Variants in THSD7B observed in about 807,000 individuals in gnomAD.
THSD7B encodes thrombospondin type-1 domain-containing protein 7B.
In THSD7B, 138 loss-of-function variants were observed where a neutral mutation model predicts 213.6. The ratio of observed to expected loss-of-function variants is 0.65; its 90% CI spans 0.56 to 0.74. The LOEUF (loss-of-function observed/expected upper bound fraction) is 0.74. Among genes scored for constraint, THSD7B ranks in the 30% least tolerant of loss-of-function variants. The pLI is 0.00. For missense variants in THSD7B, 1,931 were observed against 1,991.5 expected (o/e 0.97, Z 0.58); for synonymous variants, 742 against 687.0 (o/e 1.08, Z -1.25).
At chr2:137,618,250 G>A in intron 18 of THSD7B, 142 bp from the exon 19 acceptor site, 1 of 645,860 alleles carries the variant, frequency 1.5e-6, no homozygotes, top group Non-Finnish European at 2.6e-6. Flanking sequence ...GGCATTGCAT[G>A]ATGATTCCCA....
chr2:137,603,374 G>C (rs1682111570), intron 17 of THSD7B, among the ~76,000 whole-genome samples: 1 of 152,106 alleles, frequency 6.6e-6, no homozygotes, highest in African/African-American at 2.4e-5. Context: ...TTCTTCCAAT[G>C]AGTCCTGTGT....
intron 3 of THSD7B, among the ~76,000 whole-genome samples, chr2:137,082,233 G>A (rs534787072): frequency 1.3e-5 from 2 of 151,990 alleles, no homozygotes; most frequent in Non-Finnish European, 2.9e-5. Flanking sequence ...CGTTCCACAC[G>A]CACTGGGTGA....
intron 27 of THSD7B, among the ~76,000 whole-genome samples, chr2:137,671,523 C>T (rs1683578003): frequency 6.6e-6 from 1 of 151,812 alleles, no homozygotes; most frequent in Non-Finnish European, 1.5e-5. Context: ...CAATCATGGC[C>T]CAAGGCAAAG....
chr2:137,253,645 C>G (rs1682238274), intron 10 of THSD7B, among the ~76,000 whole-genome samples: 1 of 152,180 alleles, frequency 6.6e-6, no homozygotes, highest in South Asian at 2.1e-4. Flanking sequence ...TTTATAGAAA[C>G]CAAGGTACCC....
chr2:137,186,495 T>C (rs998176974), intron 7 of THSD7B, among the ~76,000 whole-genome samples: 6 of 152,070 alleles, frequency 3.9e-5, no homozygotes, highest in Non-Finnish European at 8.8e-5. Flanking sequence ...CCTTTCCTTA[T>C]TGCTTTATGG....
At position 137,056,688 on chromosome 2, in the gene THSD7B, T is replaced by C. The variant is rs77848121; in HGVS notation, c.408T>C (p.His136=). 3,622 of 1,614,002 alleles carry C rather than the reference T, an allele frequency of 2.2e-3. 71 individuals carry two copies. The East Asian group carries it at 0.043, about 19-fold the overall frequency. The change falls in exon 3 of 28, where the codon CAT becomes CAC. Residue 136 remains histidine (H), a synonymous_variant. Transcript: ENST00000409968. ...PRTAECVTAQ[H]GLQHRMVRCI... Reference sequence around the variant, plus strand: ...CTGCAGAGTGTGTGACGGCTCAGCATGGACTGCAGCACCGGATGGTGCGCT... The same window carrying C: ...CTGCAGAGTGTGTGACGGCTCAGCACGGACTGCAGCACCGGATGGTGCGCT...
Position 137,170,592 on chromosome 2 carries a change from C to T in THSD7B, c.1526-149C>T, listed in dbSNP as rs1212399988. 4 of 676,676 alleles carry T rather than the reference C, an allele frequency of 5.9e-6. No homozygotes were observed. The Admixed American group carries it at 9.0e-5, about 15-fold the overall frequency. 41.9% of individuals were successfully genotyped at this position (676,676 alleles called of 1,614,324 possible). A position where few individuals can be genotyped will look rare whatever the true frequency, so the allele number is the denominator to read the frequency against. ...CTTTTTTTTCTACATCTCATCCTCT[C>T]ACTTCACATAGAATAAAACACATCA... On this transcript the variant is annotated intron_variant, in intron 6 of 27. Coordinates refer to ENST00000409968, the MANE Select transcript of THSD7B (RefSeq NM_001316349.2).
intron 5 of THSD7B, among the ~76,000 whole-genome samples, chr2:137,140,096 G>A (rs1679551139): frequency 6.6e-6 from 1 of 152,038 alleles, no homozygotes; most frequent in African/African-American, 2.4e-5. Flanking sequence ...ATCAGGGCTA[G>A]TTATTATAAA....
At chr2:137,510,748 C>T (rs1679943773) in intron 15 of THSD7B, among the ~76,000 whole-genome samples, 1 of 151,884 alleles carries the variant, frequency 6.6e-6, no homozygotes, top group South Asian at 2.1e-4. Context: ...TATAGTTTTC[C>T]TTTGTATATG....
intron 2 of THSD7B, among the ~76,000 whole-genome samples, chr2:137,021,635 G>T (rs867746151): frequency 6.6e-6 from 1 of 152,072 alleles, no homozygotes; most frequent in Non-Finnish European, 1.5e-5. Flanking sequence ...TTTACATCTT[G>T]CAAAACAATA....
chr2:137,672,620 A>C lies in THSD7B; in HGVS notation c.4740-3904A>C, dbSNP rs190417717. On this transcript the variant is annotated intron_variant, in intron 27 of 27. Transcript: ENST00000409968. ...CACAGCATCTAATTCTATTAAATGG[A>C]TTGCAGAAGAGTTACAGGATGACAG... 5.7e-3 allele frequency among the ~76,000 whole-genome samples: 865 copies of C among 152,324 alleles called. 11 individuals carry two copies. The highest frequency in any genetic ancestry group is 0.02 in the African/African-American group (825 of 41,576).
At chr2:137,127,068 A>G (rs868204660) in intron 5 of THSD7B, among the ~76,000 whole-genome samples, 1 of 152,264 alleles carries the variant, frequency 6.6e-6, no homozygotes. Flanking sequence ...TATATATATA[A>G]TAATAATGAA....
At chr2:136,781,582 C>T (rs1177103075) in intron 1 of THSD7B, among the ~76,000 whole-genome samples, 2 of 151,900 alleles carry the variant, frequency 1.3e-5, no homozygotes, top group Non-Finnish European at 2.9e-5. Flanking sequence ...GCCTACTTAC[C>T]AGTTCTATTG....
intron 2 of THSD7B, among the ~76,000 whole-genome samples, chr2:136,889,429 AT>A (rs1410435335): frequency 1.3e-5 from 2 of 152,126 alleles, no homozygotes; most frequent in Non-Finnish European, 2.9e-5. Context: ...TTAAGGATTT[AT>A]GTCTCCTAGA....
intron 12 of THSD7B, among the ~76,000 whole-genome samples, chr2:137,332,806 A>G (rs558821170): frequency 1.3e-5 from 2 of 152,264 alleles, no homozygotes; most frequent in South Asian, 4.2e-4. Flanking sequence ...CAGCTCTGTC[A>G]TTCTCCTGCT....
chr2:137,656,998 C>A (rs1276157300), intron 23 of THSD7B, 29 bp downstream of exon 23: 3 of 1,613,166 alleles, frequency 1.9e-6, no homozygotes. Flanking sequence ...AGTTCTTTAG[C>A]CTTCATTGAT....
chr2:137,189,696 G>A (rs1229143319), intron 7 of THSD7B, among the ~76,000 whole-genome samples: 2 of 151,780 alleles, frequency 1.3e-5, no homozygotes, highest in African/African-American at 2.4e-5. Flanking sequence ...TGTTTTTGTT[G>A]CGATTGCTTT....
intron 12 of THSD7B, among the ~76,000 whole-genome samples, chr2:137,379,307 C>T (rs969262673): frequency 6.6e-6 from 1 of 152,182 alleles, no homozygotes; most frequent in Non-Finnish European, 1.5e-5. Context: ...TATAATTGGG[C>T]TCCTGCAGCC....
chr2:137,674,352 C>CT (rs953399079), intron 27 of THSD7B, among the ~76,000 whole-genome samples: 7 of 152,324 alleles, frequency 4.6e-5, no homozygotes, highest in African/African-American at 1.7e-4. Flanking sequence ...AAGACTCCTA[C>CT]TGTAATTTCA....
Sources: allele counts gnomAD v4.1 joint callset (sites outside exome capture counted in the v4.1 genomes callset), GRCh38; gene constraint gnomAD v4.1.1; transcripts MANE v1.5; gene names NCBI Gene and HGNC (gene_info 2026-07-23, HGNC 2026-07-21).